SV2C: variants seen among roughly 807,000 people sequenced by gnomAD.
SV2C encodes the protein synaptic vesicle glycoprotein 2C.
Under a neutral mutation model 79.7 loss-of-function variants are expected in SV2C, and 49 were observed. The ratio of observed to expected loss-of-function variants is 0.61; its 90% CI spans 0.49 to 0.78. The LOEUF is 0.78. Among genes scored for constraint, SV2C ranks in the 30% least tolerant of loss-of-function variants. SV2C has a pLI of 0.00. For missense variants in SV2C, 833 were observed against 912.9 expected (o/e 0.91, Z 1.13); for synonymous variants, 334 against 333.2 (o/e 1.00, Z -0.03).
At chr5:76,030,500 G>A in the SV2C span, among the ~76,000 whole-genome samples, 5 of 151,956 alleles carry the variant, frequency 3.3e-5, no homozygotes, top group Non-Finnish European at 7.4e-5. Context: ...CCCTAGCAAT[G>A]AAAGGGACCT....
At chr5:76,069,621 A>G in the SV2C span, among the ~76,000 whole-genome samples, 2 of 152,202 alleles carry the variant, frequency 1.3e-5, no homozygotes, top group East Asian at 3.9e-4. Context: ...TCACACAAGG[A>G]TGAAATGCAG....
the SV2C span, among the ~76,000 whole-genome samples, chr5:76,006,442 G>T: frequency 6.6e-6 from 1 of 152,190 alleles, no homozygotes; most frequent in Non-Finnish European, 1.5e-5. Context: ...CAGTTCATAA[G>T]TCATTTTGGA....
At chr5:76,007,063 C>T in the SV2C span, among the ~76,000 whole-genome samples, 9 of 152,046 alleles carry the variant, frequency 5.9e-5, no homozygotes, top group Admixed American at 1.3e-4. Flanking sequence ...AAAGGCACTG[C>T]GATGTTGGAT....
At chr5:75,881,349 T>C in the SV2C span, among the ~76,000 whole-genome samples, 1 of 152,200 alleles carries the variant, frequency 6.6e-6, no homozygotes, top group Admixed American at 6.6e-5. Flanking sequence ...CGTTAACATA[T>C]ATAAAGACAG....
At chr5:75,981,681 C>T in the SV2C span, among the ~76,000 whole-genome samples, 2 of 152,130 alleles carry the variant, frequency 1.3e-5, no homozygotes, top group Non-Finnish European at 2.9e-5. Context: ...AGGATTGAAA[C>T]TGGACCTTTC....
the SV2C span, among the ~76,000 whole-genome samples, chr5:75,946,630 G>A: frequency 6.6e-6 from 1 of 152,054 alleles, no homozygotes; most frequent in Non-Finnish European, 1.5e-5. Context: ...AACAAAATAG[G>A]TGAATCTCAA....
Position 76,138,115 on chromosome 5 carries a change from G to A in SV2C, c.580+5785G>A, listed in dbSNP as rs566504815. On this transcript the variant is annotated intron_variant, in intron 2 of 12. Coordinates refer to ENST00000502798, the MANE Select transcript of SV2C (RefSeq NM_014979.4). ...ATAAGGTTTGGCTCCTATTACCAGC[G>A]GGAATCATAATATTTCCCAGCTGTT... 3.9e-5 allele frequency among the ~76,000 whole-genome samples: 6 copies of A among 152,258 alleles called. 1 individual carries two copies. The highest frequency in any genetic ancestry group is 4.1e-4 in the South Asian group (2 of 4,822).
chr5:75,889,886 A>T, the SV2C span, among the ~76,000 whole-genome samples: 9 of 152,252 alleles, frequency 5.9e-5, no homozygotes, highest in African/African-American at 2.2e-4. Context: ...TGGATTGAGC[A>T]GTGGTGTCTG....
chr5:76,168,764 A>C (rs1287271989), intron 2 of SV2C, among the ~76,000 whole-genome samples: 1 of 152,210 alleles, frequency 6.6e-6, no homozygotes, highest in Non-Finnish European at 1.5e-5. Context: ...GAGAATATGT[A>C]GACTGTGGGG....
At chr5:76,123,468 A>G (rs1188346685) in intron 1 of SV2C, among the ~76,000 whole-genome samples, 1 of 152,220 alleles carries the variant, frequency 6.6e-6, no homozygotes, top group East Asian at 1.9e-4. Context: ...CATTGATGCA[A>G]AAATCCTCAA....
At chr5:75,937,649 T>TA in the SV2C span, among the ~76,000 whole-genome samples, 1 of 152,092 alleles carries the variant, frequency 6.6e-6, no homozygotes, top group South Asian at 2.1e-4. Context: ...GTTGAGACTG[T>TA]AGCGAGCTGT....
chr5:76,348,095 G>A (rs376548452), intron 12 of SV2C, among the ~76,000 whole-genome samples: 115 of 152,200 alleles, frequency 7.6e-4, no homozygotes, highest in African/African-American at 2.6e-3. Context: ...TCAGCACCCC[G>A]TACCCCTGGC....
chr5:76,199,209 C>T (rs1744358944), intron 3 of SV2C, among the ~76,000 whole-genome samples: 1 of 152,116 alleles, frequency 6.6e-6, no homozygotes, highest in Non-Finnish European at 1.5e-5. Context: ...ATCCTAGAGA[C>T]CTTAAATAAA....
At chr5:75,940,855 A>G in the SV2C span, among the ~76,000 whole-genome samples, 1 of 152,188 alleles carries the variant, frequency 6.6e-6, no homozygotes, top group Non-Finnish European at 1.5e-5. Context: ...ATAAGAATAT[A>G]TTATCTAAAG....
rs891253558 is a variant in SV2C at position 76,189,242 on chromosome 5, C to T, written c.581-5677C>T. Among the ~76,000 whole-genome samples the T allele has an allele frequency of 7.2e-5, 11 of 151,856 alleles. No individual in the cohort carries two copies. In the East Asian group the frequency reaches 1.2e-3, roughly 16 times the overall value. The stretch of plus-strand genomic sequence containing the variant: ...TGACTCTTTGAGGAAATAGGAGAGA[C>T]GGAGCTTACACTGATGTGTAAGCTT... On this transcript the variant is annotated intron_variant, in intron 2 of 12. Coordinates refer to ENST00000502798, the MANE Select transcript of SV2C (RefSeq NM_014979.4).
chr5:75,861,510 G>A, the SV2C span, among the ~76,000 whole-genome samples: 2,889 of 152,216 alleles, frequency 0.019, 60 homozygotes, highest in Non-Finnish European at 0.031. Flanking sequence ...CTACCAAAAA[G>A]ACACATGCAC....
Position 76,330,564 on chromosome 5 carries a change from C to CG in SV2C, c.*5017_*5018insG, listed in dbSNP as rs1334842375. ...TTACATGTGAACCCTCCGCGCCCCC[C>CG]CCCATAAATACAAAGTGTTATTTTT... On this transcript the variant is annotated 3_prime_UTR_variant, in exon 13 of 13. Coordinates refer to ENST00000502798, the MANE Select transcript of SV2C (RefSeq NM_014979.4). 6.7e-6 allele frequency: 1 copy of CG among 150,336 alleles called. No individual in the cohort carries two copies. Among genetic ancestry groups the CG allele is most frequent in the Non-Finnish European group, 1.5e-5 (1 of 67,612 alleles). 9.3% of individuals were successfully genotyped at this position (150,336 alleles called of 1,614,324 possible).
chr5:76,146,472 T>C (rs773793997), intron 2 of SV2C, among the ~76,000 whole-genome samples: 1 of 152,116 alleles, frequency 6.6e-6, no homozygotes, highest in Non-Finnish European at 1.5e-5. Context: ...CTTTGTAAAC[T>C]GTCAGGGTGC....
chr5:76,215,923 A>T (rs1744898129), intron 4 of SV2C, among the ~76,000 whole-genome samples: 1 of 152,130 alleles, frequency 6.6e-6, no homozygotes, highest in African/African-American at 2.4e-5. Context: ...CAGAGCAGTC[A>T]GTTCACAAAG....
Sources: allele counts gnomAD v4.1 joint callset (sites outside exome capture counted in the v4.1 genomes callset), GRCh38; gene constraint gnomAD v4.1.1; transcripts MANE v1.5; gene names NCBI Gene and HGNC (gene_info 2026-07-23, HGNC 2026-07-21).